The following ADGRV1 variants were observed in gnomAD, a reference collection of about 807,000 sequenced individuals.
ADGRV1 encodes the protein G-protein coupled receptor 98.
In ADGRV1, 359 loss-of-function variants were observed where a neutral mutation model predicts 596.2. That is an observed-to-expected ratio of 0.60 (90% CI 0.55 to 0.66). The LOEUF is 0.66. Among genes scored for constraint, ADGRV1 ranks in the 30% least tolerant of loss-of-function variants. The pLI is 0.00. For synonymous variants in ADGRV1, 2,681 were observed against 2,679.2 expected, an observed-to-expected ratio of 1.00 and a Z score of -0.02; for missense variants, 7,274 against 7,575.6, an observed-to-expected ratio of 0.96 and a Z score of 1.48.
intron 29 of ADGRV1, among the ~76,000 whole-genome samples, chr5:90,687,620 C>T (rs1395075271): frequency 2.0e-5 from 3 of 152,130 alleles, no homozygotes; most frequent in Non-Finnish European, 4.4e-5. Flanking sequence ...TCCCTGTTTG[C>T]AGATGACATG....
chr5:90,764,349 G>A (rs552476328), intron 59 of ADGRV1, among the ~76,000 whole-genome samples: 13 of 152,314 alleles, frequency 8.5e-5, no homozygotes, highest in South Asian at 2.1e-4. Flanking sequence ...GTCTAAAGGC[G>A]GGGAGTTGGG....
chr5:90,817,167 G>C, intron 75 of ADGRV1, among the ~76,000 whole-genome samples: 1 of 151,706 alleles, frequency 6.6e-6, no homozygotes, highest in Non-Finnish European at 1.5e-5. Flanking sequence ...GGCCAGTGAT[G>C]ATGAGCATTT....
At chr5:91,095,733 T>C (rs1562212440) in intron 86 of ADGRV1, among the ~76,000 whole-genome samples, 1 of 152,212 alleles carries the variant, frequency 6.6e-6, no homozygotes, top group Non-Finnish European at 1.5e-5. Context: ...ATCTTTCTAA[T>C]TTAAAAATAA....
rs55761821 is a variant in ADGRV1, at chr5:90,722,716, C to CAAAAAA, written c.9748+1692_9748+1697dup. ...GGCAACAAGAGCAAAAACTCCGTCT[C>CAAAAAA]AAAAAAAAAAAAAAAAAAAAAAAAA... On this transcript the variant is annotated intron_variant, in intron 45 of 89. Transcript: ENST00000405460. Among the ~76,000 whole-genome samples the CAAAAAA allele has an allele frequency of 4.6e-4, 15 of 32,900 alleles. 1 individual carries two copies. Among genetic ancestry groups the CAAAAAA allele is most frequent in the African/African-American group, 1.4e-3 (11 of 8,126 alleles). The allele number at this position is 32,900 out of a possible 152,430, so 21.6% of individuals were successfully genotyped here.
intron 83 of ADGRV1, among the ~76,000 whole-genome samples, chr5:90,961,850 G>A (rs1032183641): frequency 1.3e-5 from 2 of 152,052 alleles, no homozygotes; most frequent in African/African-American, 4.8e-5. Context: ...CTTAAGTTGT[G>A]TATATGTTAT....
chr5:90,788,904 AGCAGGGTG>A (rs770771208), intron 68 of ADGRV1, among the ~76,000 whole-genome samples: 4 of 151,814 alleles, frequency 2.6e-5, no homozygotes, highest in Non-Finnish European at 5.9e-5. Flanking sequence ...TCACACACAC[AGCAGGGTG>A]GAGGGAGAGA....
intron 86 of ADGRV1, among the ~76,000 whole-genome samples, chr5:91,098,354 C>T (rs1040779994): frequency 2.6e-5 from 4 of 151,888 alleles, no homozygotes; most frequent in Non-Finnish European, 4.4e-5. Context: ...GTTAAAGGTG[C>T]CTCCTCAGAG....
chr5:91,018,020 G>A (rs1292123394), intron 85 of ADGRV1, among the ~76,000 whole-genome samples: 3 of 151,960 alleles, frequency 2.0e-5, no homozygotes, highest in Admixed American at 1.3e-4. Context: ...TATATTGAGA[G>A]TATTCATAAT....
intron 87 of ADGRV1, among the ~76,000 whole-genome samples, chr5:91,126,470 G>C (rs980440601): frequency 4.6e-5 from 7 of 152,180 alleles, no homozygotes; most frequent in Non-Finnish European, 4.4e-5. Context: ...AATAGCTAAA[G>C]GTTACATGCT....
At chr5:90,625,295 A>T in intron 6 of ADGRV1, 52 bp downstream of exon 6, 6 of 1,135,794 alleles carry the variant, frequency 5.3e-6, no homozygotes, top group South Asian at 1.3e-5. Flanking sequence ...GTTGCAGGAC[A>T]CAGTCCTGTA....
intron 87 of ADGRV1, among the ~76,000 whole-genome samples, chr5:91,138,854 C>G (rs1460438035): frequency 2.0e-5 from 3 of 151,830 alleles, no homozygotes; most frequent in Non-Finnish European, 4.4e-5. Flanking sequence ...TCACTGCAAC[C>G]TCCACCTCCT....
At chr5:90,957,512 T>A (rs1777577894) in intron 83 of ADGRV1, among the ~76,000 whole-genome samples, 1 of 149,132 alleles carries the variant, frequency 6.7e-6, no homozygotes, top group Non-Finnish European at 1.5e-5. Context: ...ATAAAAATTC[T>A]GTAGTGAGGG....
intron 87 of ADGRV1, among the ~76,000 whole-genome samples, chr5:91,133,832 C>A (rs2126808976): frequency 6.6e-6 from 1 of 152,278 alleles, no homozygotes; most frequent in African/African-American, 2.4e-5. Flanking sequence ...GTTGCCCCAT[C>A]ACACAGTGTA....
intron 83 of ADGRV1, among the ~76,000 whole-genome samples, chr5:90,903,051 A>C (rs1771995363): frequency 6.6e-6 from 1 of 152,146 alleles, no homozygotes; most frequent in Non-Finnish European, 1.5e-5. Flanking sequence ...TTTATGAACC[A>C]TGTGTAGCAA....
intron 85 of ADGRV1, among the ~76,000 whole-genome samples, chr5:90,989,785 T>C (rs1780815896): frequency 6.6e-6 from 1 of 152,206 alleles, no homozygotes; most frequent in Non-Finnish European, 1.5e-5. Context: ...CCTTTGTAAC[T>C]GAATTGCTTG....
intron 84 of ADGRV1, among the ~76,000 whole-genome samples, chr5:90,966,384 T>G (rs1027002921): frequency 1.3e-5 from 2 of 151,804 alleles, no homozygotes; most frequent in Non-Finnish European, 1.5e-5. Flanking sequence ...TATTAAAAAT[T>G]AGCTGGGCGT....
At chr5:90,935,019 G>A (rs1248353009) in intron 83 of ADGRV1, among the ~76,000 whole-genome samples, 3 of 152,184 alleles carry the variant, frequency 2.0e-5, no homozygotes, top group Non-Finnish European at 4.4e-5. Context: ...TACCATCACA[G>A]TGGGGGTCAA....
At chr5:90,956,783 G>C (rs572196608) in intron 83 of ADGRV1, among the ~76,000 whole-genome samples, 4 of 152,240 alleles carry the variant, frequency 2.6e-5, no homozygotes, top group African/African-American at 9.6e-5. Flanking sequence ...GTTATTTTAA[G>C]TATTAAAAGT....
At chr5:90,911,958 G>A (rs1772927458) in intron 83 of ADGRV1, among the ~76,000 whole-genome samples, 1 of 151,982 alleles carries the variant, frequency 6.6e-6, no homozygotes, top group Non-Finnish European at 1.5e-5. Context: ...CATAAAAGCA[G>A]CATGTCAGGT....
Sources: allele counts gnomAD v4.1 joint callset (sites outside exome capture counted in the v4.1 genomes callset), GRCh38; gene constraint gnomAD v4.1.1; transcripts MANE v1.5; gene names NCBI Gene and HGNC (gene_info 2026-07-23, HGNC 2026-07-21).